ZDHHC2: variants seen among roughly 807,000 people sequenced by gnomAD.
ZDHHC2 encodes zDHHC palmitoyltransferase 2, also known as palmitoyltransferase ZDHHC2.
ZDHHC2 carries 51 observed loss-of-function variants against 55.6 expected under a neutral mutation model. That is an observed-to-expected ratio of 0.92 (90% CI 0.73 to 1.16). ZDHHC2 has a LOEUF of 1.16. Ranked by LOEUF, ZDHHC2 falls within the 50% of genes most tolerant of loss-of-function variation. The pLI is 0.00. For synonymous variants in ZDHHC2, 199 were observed against 152.9 expected (o/e 1.30, Z -2.22); for missense variants, 491 against 442.4 (o/e 1.11, Z -0.99).
chr8:17,188,051 C>T (rs1173407157), intron 3 of ZDHHC2, among the ~76,000 whole-genome samples: 1 of 152,168 alleles, frequency 6.6e-6, no homozygotes, highest in Non-Finnish European at 1.5e-5. Flanking sequence ...TTAAAACAAG[C>T]AGATCATTTG....
intron 1 of ZDHHC2, among the ~76,000 whole-genome samples, chr8:17,172,335 C>T (rs1376998708): frequency 6.6e-6 from 1 of 152,168 alleles, no homozygotes; most frequent in South Asian, 2.1e-4. Context: ...CAAAGTGTGG[C>T]GTTTTCTCTA....
At position 17,207,985 on chromosome 8, in the gene ZDHHC2, A is replaced by G. The variant is rs2150942005; in HGVS notation, c.623A>G (p.Lys208Arg). ...AATGGCCTACCTGATACTCAAGCCA[A>G]GTTCCATATTATGTTTTTATTCTTT... ...WTNGLPDTQA[K>R]FHIMFLFFAA... The change falls in exon 8 of 13, where the codon AAG becomes AGG. Residue 208 changes from lysine (K) to arginine (R), a missense_variant. Coordinates refer to ENST00000262096, the MANE Select transcript of ZDHHC2 (RefSeq NM_016353.5). The G allele has an allele frequency of 6.3e-7, 1 of 1,579,352 alleles. No individual in the cohort carries two copies. The highest frequency in any genetic ancestry group is 8.6e-7 in the Non-Finnish European group (1 of 1,161,886).
In ZDHHC2 at chr8:17,209,876, G is replaced by A. The variant is rs185864794; in HGVS notation, c.731-56G>A. 2.6e-5 allele frequency: 39 copies of A among 1,516,800 alleles called. 2 individuals carry two copies. The Middle Eastern group carries it at 1.1e-3, about 41-fold the overall frequency. 94.0% of individuals were successfully genotyped at this position (1,516,800 alleles called of 1,614,324 possible). ...TACTTCAATTATTGATAAATATTCA[G>A]GATTGCTAGTAAATATGTTCTTTAC... On this transcript the variant is annotated intron_variant, in intron 8 of 12. Coordinates refer to ENST00000262096, the MANE Select transcript of ZDHHC2 (RefSeq NM_016353.5).
At chr8:17,179,464 A>T (rs1376448973) in intron 1 of ZDHHC2, among the ~76,000 whole-genome samples, 1 of 152,120 alleles carries the variant, frequency 6.6e-6, no homozygotes, top group Non-Finnish European at 1.5e-5. Flanking sequence ...GCTGGAGTAC[A>T]GTGATGTGAT....
chr8:17,215,971 C>G (rs1320182721), intron 11 of ZDHHC2, among the ~76,000 whole-genome samples: 3 of 152,152 alleles, frequency 2.0e-5, no homozygotes, highest in African/African-American at 7.2e-5. Flanking sequence ...GTCACGTTAC[C>G]TAACATCTTT....
chr8:17,196,910 G>GA (rs1287157134), intron 4 of ZDHHC2, among the ~76,000 whole-genome samples: 252 of 132,392 alleles, frequency 1.9e-3, no homozygotes, highest in East Asian at 2.4e-3. Flanking sequence ...TTTCGTCTCA[G>GA]AAAAAAAAAA....
chr8:17,156,971 T>A, intron 1 of ZDHHC2, 118 bp downstream of exon 1: 3 of 971,954 alleles, frequency 3.1e-6, no homozygotes, highest in Non-Finnish European at 4.1e-6. Context: ...GCTGCCAACC[T>A]GCCGCGTCCC....
chr8:17,200,349 T>C (rs1272507827), intron 6 of ZDHHC2, among the ~76,000 whole-genome samples: 1 of 152,228 alleles, frequency 6.6e-6, no homozygotes, highest in Non-Finnish European at 1.5e-5. Context: ...CGGTAAAAAA[T>C]GCTTTATCCT....
intron 12 of ZDHHC2, among the ~76,000 whole-genome samples, chr8:17,218,039 T>C (rs1048238901): frequency 2.0e-5 from 3 of 152,192 alleles, no homozygotes; most frequent in Non-Finnish European, 4.4e-5. Context: ...TCAAAGTTCA[T>C]GGATATCTGT....
intron 1 of ZDHHC2, among the ~76,000 whole-genome samples, chr8:17,182,474 A>G (rs1805478762): frequency 6.6e-6 from 1 of 152,190 alleles, no homozygotes; most frequent in Non-Finnish European, 1.5e-5. Flanking sequence ...ACCGGCTCAT[A>G]ATCTTGGCGA....
chr8:17,207,969 C>A lies in ZDHHC2; in HGVS notation c.607C>A (p.Pro203Thr). 6.4e-7 allele frequency: 1 copy of A among 1,567,186 alleles called. No individual in the cohort carries two copies. The highest frequency in any genetic ancestry group is 8.7e-7 in the Non-Finnish European group (1 of 1,155,548). ...CTTCCTTTCTTTATAGAATGGCCTACCTGATACTCAAGCCAAGTTCCATAT... is the reference window on the plus strand; with the variant it reads ...CTTCCTTTCTTTATAGAATGGCCTAACTGATACTCAAGCCAAGTTCCATAT... The part of the protein sequence containing the change: ...YFIKFWTNGL[P>T]DTQAKFHIMF... The change falls in exon 8 of 13, where the codon CCT becomes ACT. Residue 203 changes from proline to threonine, a missense_variant. Coordinates refer to ENST00000262096, the MANE Select transcript of ZDHHC2 (RefSeq NM_016353.5).
chr8:17,194,374 C>T (rs1484516477), intron 3 of ZDHHC2, among the ~76,000 whole-genome samples: 4 of 147,746 alleles, frequency 2.7e-5, no homozygotes, highest in East Asian at 2.0e-4. Context: ...TATATAAGAA[C>T]GTATATATAA....
chr8:17,201,847 T>A (rs1373197881), intron 6 of ZDHHC2, among the ~76,000 whole-genome samples: 3 of 152,060 alleles, frequency 2.0e-5, no homozygotes, highest in African/African-American at 7.2e-5. Context: ...AACCTTCATA[T>A]CTGTCAACTT....
chr8:17,178,200 A>G (rs1438659817), intron 1 of ZDHHC2, among the ~76,000 whole-genome samples: 1 of 152,184 alleles, frequency 6.6e-6, no homozygotes, highest in East Asian at 1.9e-4. Flanking sequence ...GTATCTCATT[A>G]GATACCATTT....
At position 17,210,552 on chromosome 8, in the gene ZDHHC2, T is replaced by C. The variant is rs1807328097; in HGVS notation, c.950+72T>C. 3.8e-6 allele frequency: 5 copies of C among 1,301,938 alleles called. No homozygotes were observed. The East Asian group carries it at 1.3e-4, about 33-fold the overall frequency. 80.6% of individuals were successfully genotyped at this position (1,301,938 alleles called of 1,614,324 possible). On this transcript the variant is annotated intron_variant, in intron 10 of 12. Transcript: ENST00000262096. The stretch of plus-strand genomic sequence containing the variant: ...CCATATTGTGTCTTTTGGTTATATG[T>C]TCCTTTGAAAAAAAATGAAGACCAT...
At chr8:17,164,593 C>T (rs575177381) in intron 1 of ZDHHC2, among the ~76,000 whole-genome samples, 1 of 147,398 alleles carries the variant, frequency 6.8e-6, no homozygotes, top group African/African-American at 2.5e-5. Flanking sequence ...ATACACTAAA[C>T]AATAAAAAAA....
At chr8:17,164,607 AAC>A (rs1804514328) in intron 1 of ZDHHC2, among the ~76,000 whole-genome samples, 1 of 152,198 alleles carries the variant, frequency 6.6e-6, no homozygotes, top group African/African-American at 2.4e-5. Flanking sequence ...AAAAAAAAAA[AAC>A]CTTTTTCTCT....
intron 11 of ZDHHC2, among the ~76,000 whole-genome samples, chr8:17,216,847 G>A (rs2150951084): frequency 6.6e-6 from 1 of 152,246 alleles, no homozygotes; most frequent in South Asian, 2.1e-4. Flanking sequence ...AATGAGGTTG[G>A]TAGAGGAAGA....
Position 17,212,582 on chromosome 8 carries a change from C to A in ZDHHC2, c.950+2102C>A, listed in dbSNP as rs73669035. Among the ~76,000 whole-genome samples the A allele has an allele frequency of 2.2e-3, 337 of 152,252 alleles. 2 individuals carry two copies. The highest frequency in any genetic ancestry group is 7.9e-3 in the African/African-American group (327 of 41,548). On this transcript the variant is annotated intron_variant, in intron 10 of 12. Coordinates refer to ENST00000262096, the MANE Select transcript of ZDHHC2 (RefSeq NM_016353.5). ...CCACCTCCAAGGCAGCTTTCCTGGT[C>A]CTAGCCCTCATCCCTGCTCCCATGG...
Sources: allele counts gnomAD v4.1 joint callset (sites outside exome capture counted in the v4.1 genomes callset), GRCh38; gene constraint gnomAD v4.1.1; transcripts MANE v1.5; gene names NCBI Gene and HGNC (gene_info 2026-07-23, HGNC 2026-07-21).